ARHGAP8: variants seen among roughly 807,000 people sequenced by gnomAD.
The protein encoded by ARHGAP8 is rho GTPase-activating protein 8.
ARHGAP8 carries 62 observed loss-of-function variants against 46.1 expected under a neutral mutation model. The ratio of observed to expected loss-of-function variants is 1.34; its 90% CI spans 1.10 to 1.66. The LOEUF is 1.66. Among genes scored for constraint, ARHGAP8 ranks in the 40% most tolerant of loss-of-function variants. ARHGAP8 has a pLI of 0.00. For synonymous variants in ARHGAP8, 375 were observed against 243.1 expected (o/e 1.54, Z -5.05); for missense variants, 923 against 568.4 (o/e 1.62, Z -6.34).
chr22:44,858,824 G>A (rs2070326260), intron 10 of ARHGAP8, among the ~76,000 whole-genome samples: 1 of 151,086 alleles, frequency 6.6e-6, no homozygotes, highest in African/African-American at 2.4e-5. Flanking sequence ...GGCGATTTGT[G>A]GTGCTGAGAA....
intron 1 of ARHGAP8, among the ~76,000 whole-genome samples, chr22:44,775,504 A>G (rs3788620): frequency 0.36 from 54,123 of 151,684 alleles, 11,035 homozygotes; most frequent in East Asian, 0.55. Flanking sequence ...CTGGAGTGCA[A>G]TGGCACAGTC....
At chr22:44,859,337 A>G (rs904429224) in intron 10 of ARHGAP8, among the ~76,000 whole-genome samples, 8 of 150,686 alleles carry the variant, frequency 5.3e-5, no homozygotes, top group African/African-American at 2.0e-4. Context: ...ATCTGGTTTA[A>G]AAGCATGTGG....
chr22:44,772,429 A>C (rs1197774269), intron 1 of ARHGAP8, among the ~76,000 whole-genome samples: 1 of 142,012 alleles, frequency 7.0e-6, no homozygotes, highest in Non-Finnish European at 1.5e-5. Context: ...ACCTCAAGTG[A>C]TCCGCCCGCC....
chr22:44,804,700 C>T (rs10427697), intron 3 of ARHGAP8, among the ~76,000 whole-genome samples: 2 of 151,966 alleles, frequency 1.3e-5, no homozygotes, highest in African/African-American at 4.8e-5. Flanking sequence ...GGAGTGGGCT[C>T]GACCTGGAAC....
chr22:44,845,395 C>G (rs549109058), intron 8 of ARHGAP8, 53 bp downstream of exon 8: 137 of 1,611,052 alleles, frequency 8.5e-5, no homozygotes, highest in Non-Finnish European at 1.1e-4. Context: ...GGGTGCACCT[C>G]TCTGGGTGGT....
At chr22:44,753,042 C>A (rs1167469344) in intron 1 of ARHGAP8, among the ~76,000 whole-genome samples, 3 of 151,738 alleles carry the variant, frequency 2.0e-5, no homozygotes, top group African/African-American at 7.3e-5. Context: ...GGGTCAGCGC[C>A]TGGGGGAGGC....
intron 1 of ARHGAP8, chr22:44,786,073 A>T: frequency 6.7e-6 from 2 of 299,516 alleles, no homozygotes; most frequent in Non-Finnish European, 1.3e-5. Context: ...GGTGCTGGAC[A>T]CTGGATGGGC....
At chr22:44,835,758 C>G (rs902933390) in intron 7 of ARHGAP8, among the ~76,000 whole-genome samples, 6 of 152,198 alleles carry the variant, frequency 3.9e-5, no homozygotes, top group African/African-American at 1.4e-4. Context: ...CAAGCAGGAC[C>G]ATGTGGCCCT....
intron 11 of ARHGAP8, among the ~76,000 whole-genome samples, chr22:44,861,345 C>G (rs1346583072): frequency 6.6e-6 from 1 of 152,158 alleles, no homozygotes; most frequent in African/African-American, 2.4e-5. Context: ...TGTGAATGCA[C>G]CTGGTGGGGT....
chr22:44,786,518 G>T lies in ARHGAP8; in HGVS notation c.-10G>T. 1 of 1,613,604 alleles carries T rather than the reference G, an allele frequency of 6.2e-7. No homozygotes were observed. The highest frequency in any genetic ancestry group is 1.1e-5 in the South Asian group (1 of 90,968). On this transcript the variant is annotated 5_prime_UTR_variant, in exon 2 of 12. Coordinates refer to ENST00000356099, the MANE Select transcript of ARHGAP8 (RefSeq NM_181335.3). ...TGGGTGCAGTGAGGAAGAGGCCCTC[G>T]GTGGTGCCCATGGCTGGCCAGGATC...
chr22:44,858,101 G>C (rs550808782), intron 10 of ARHGAP8, among the ~76,000 whole-genome samples: 2 of 152,332 alleles, frequency 1.3e-5, no homozygotes, highest in Admixed American at 6.5e-5. Context: ...CTGAACAACA[G>C]CTTGATTTCA....
chr22:44,826,964 C>A (rs1429528952), intron 7 of ARHGAP8, among the ~76,000 whole-genome samples: 1 of 152,180 alleles, frequency 6.6e-6, no homozygotes, highest in African/African-American at 2.4e-5. Flanking sequence ...TGGCCCCCGA[C>A]GAAGTCCATG....
At chr22:44,788,049 G>A (rs1201995438) in intron 2 of ARHGAP8, among the ~76,000 whole-genome samples, 1 of 149,300 alleles carries the variant, frequency 6.7e-6, no homozygotes, top group Non-Finnish European at 1.5e-5. Flanking sequence ...AAGGAAGGCA[G>A]GAAATATATA....
chr22:44,856,424 C>A (rs1306535499), intron 10 of ARHGAP8, among the ~76,000 whole-genome samples: 1 of 152,014 alleles, frequency 6.6e-6, no homozygotes, highest in Non-Finnish European at 1.5e-5. Context: ...CAGGCACCCG[C>A]CACCACGCCT....
At chr22:44,849,478 A>C (rs985990891) in intron 10 of ARHGAP8, 3 of 233,092 alleles carry the variant, frequency 1.3e-5, no homozygotes, top group Non-Finnish European at 2.6e-5. Context: ...AGCATATATC[A>C]CAGGAACTGA....
chr22:44,859,822 C>A lies in ARHGAP8; in HGVS notation c.969C>A (p.Gly323=), dbSNP rs374070656. The change falls in exon 11 of 12, where the codon GGC becomes GGA. Residue 323 remains glycine (G), a synonymous_variant. Coordinates refer to ENST00000356099, the MANE Select transcript of ARHGAP8 (RefSeq NM_181335.3). ...HNYVVLRYLM[G]FLHAVSRESI... ...ACGTCGTCCTCCGCTACCTCATGGG[C>A]TTCCTGCATGCGGTGAGTGGGGAAG... The A allele has an allele frequency of 6.2e-7, 1 of 1,613,666 alleles. No homozygotes were observed. The highest frequency in any genetic ancestry group is 1.3e-5 in the African/African-American group (1 of 74,934).
intron 1 of ARHGAP8, among the ~76,000 whole-genome samples, chr22:44,758,158 G>A (rs1018229800): frequency 6.6e-6 from 1 of 152,150 alleles, no homozygotes; most frequent in Non-Finnish European, 1.5e-5. Flanking sequence ...TTTCTGTGAA[G>A]AGGCATCTGA....
chr22:44,816,527 C>T (rs975634182), intron 5 of ARHGAP8, among the ~76,000 whole-genome samples: 4 of 152,186 alleles, frequency 2.6e-5, no homozygotes, highest in African/African-American at 9.7e-5. Context: ...GAGAGCTACT[C>T]TGCAGCCAGA....
intron 1 of ARHGAP8, among the ~76,000 whole-genome samples, chr22:44,766,600 A>G (rs1001652615): frequency 1.3e-5 from 2 of 151,950 alleles, no homozygotes; most frequent in African/African-American, 4.8e-5. Context: ...CTCTGTGTGT[A>G]AGATATGTGG....
Sources: allele counts gnomAD v4.1 joint callset (sites outside exome capture counted in the v4.1 genomes callset), GRCh38; gene constraint gnomAD v4.1.1; transcripts MANE v1.5; gene names NCBI Gene and HGNC (gene_info 2026-07-23, HGNC 2026-07-21).